ARSB: variants seen among roughly 807,000 people sequenced by gnomAD.
ARSB encodes arylsulfatase B.
Under a neutral mutation model 50.9 loss-of-function variants are expected in ARSB, and 41 were observed. The ratio of observed to expected loss-of-function variants is 0.81; its 90% CI spans 0.63 to 1.04. ARSB has a LOEUF of 1.04. ARSB is among the 50% of genes least tolerant of loss of function. The pLI is 0.00. For missense variants in ARSB, 672 were observed against 693.3 expected, an observed-to-expected ratio of 0.97 and a Z score of 0.35; for synonymous variants, 269 against 284.8, an observed-to-expected ratio of 0.94 and a Z score of 0.56.
At chr5:78,944,551 C>CA (rs1274863355) in intron 4 of ARSB, among the ~76,000 whole-genome samples, 5 of 152,210 alleles carry the variant, frequency 3.3e-5, no homozygotes, top group South Asian at 2.1e-4. Flanking sequence ...CACTCCAGAC[C>CA]CTGTTTGCCT....
At chr5:78,853,782 C>T (rs1272035624) in intron 5 of ARSB, among the ~76,000 whole-genome samples, 1 of 152,248 alleles carries the variant, frequency 6.6e-6, no homozygotes, top group Admixed American at 6.5e-5. Context: ...CCTCCCCCAG[C>T]CTCGCTGCCG....
intron 6 of ARSB, among the ~76,000 whole-genome samples, chr5:78,820,019 G>A (rs767003810): frequency 6.6e-6 from 1 of 152,232 alleles, no homozygotes; most frequent in Non-Finnish European, 1.5e-5. Flanking sequence ...CCACCCTCAT[G>A]GATAGGATTA....
rs77055781 is a variant in ARSB at position 78,932,286 on chromosome 5, G to T, written c.898+23009C>A. 8.5e-3 allele frequency among the ~76,000 whole-genome samples: 1,299 copies of T among 152,336 alleles called. 22 individuals carry two copies. The highest frequency in any genetic ancestry group is 0.03 in the African/African-American group (1,258 of 41,566). On this transcript the variant is annotated intron_variant, in intron 4 of 7. Transcript: ENST00000264914. Reference sequence around the variant, plus strand: ...CATGTGACTGAGGCAGCCTATAGCTGCCTTCTGACAGTCATCAAGGCAACG... The same window carrying T: ...CATGTGACTGAGGCAGCCTATAGCTTCCTTCTGACAGTCATCAAGGCAACG...
At chr5:78,970,293 A>G (rs1319222034) in intron 1 of ARSB, among the ~76,000 whole-genome samples, 3 of 152,248 alleles carry the variant, frequency 2.0e-5, no homozygotes. Flanking sequence ...GCAAACTTCT[A>G]TTAGTAGAAA....
At chr5:78,786,540 GT>G (rs935622262) in intron 6 of ARSB, among the ~76,000 whole-genome samples, 17 of 152,272 alleles carry the variant, frequency 1.1e-4, no homozygotes, top group African/African-American at 3.6e-4. Flanking sequence ...GAATTGCTGA[GT>G]TATATGGTAA....
At chr5:78,935,739 A>T (rs1750547486) in intron 4 of ARSB, among the ~76,000 whole-genome samples, 1 of 152,212 alleles carries the variant, frequency 6.6e-6, no homozygotes, top group South Asian at 2.1e-4. Flanking sequence ...TCTCATCAGT[A>T]CTATCGGGTA....
chr5:78,797,399 A>ATAAT (rs1743225829), intron 6 of ARSB, among the ~76,000 whole-genome samples: 3 of 152,164 alleles, frequency 2.0e-5, no homozygotes, highest in Non-Finnish European at 4.4e-5. Context: ...TCTAACCCAG[A>ATAAT]CTGTTGTTTT....
chr5:78,811,094 C>T (rs1165208710), intron 6 of ARSB, among the ~76,000 whole-genome samples: 1 of 152,176 alleles, frequency 6.6e-6, no homozygotes, highest in Non-Finnish European at 1.5e-5. Flanking sequence ...AGTACAGAAG[C>T]ATGCGTTTGA....
intron 6 of ARSB, among the ~76,000 whole-genome samples, chr5:78,806,859 T>G (rs900428071): frequency 1.3e-5 from 2 of 152,190 alleles, no homozygotes; most frequent in Non-Finnish European, 2.9e-5. Context: ...GACGGTTACC[T>G]CAAATGGGCA....
intron 4 of ARSB, among the ~76,000 whole-genome samples, chr5:78,916,626 G>A (rs1399279136): frequency 6.6e-6 from 1 of 152,126 alleles, no homozygotes; most frequent in Non-Finnish European, 1.5e-5. Context: ...TTACATTAAT[G>A]CCAAGTTTTC....
At chr5:78,874,942 C>G (rs569613853) in intron 5 of ARSB, among the ~76,000 whole-genome samples, 2 of 152,076 alleles carry the variant, frequency 1.3e-5, no homozygotes, top group Non-Finnish European at 1.5e-5. Flanking sequence ...GACCCTGCCT[C>G]TACAAAATAA....
At chr5:78,874,275 T>C (rs1432356691) in intron 5 of ARSB, among the ~76,000 whole-genome samples, 1 of 152,198 alleles carries the variant, frequency 6.6e-6, no homozygotes, top group Non-Finnish European at 1.5e-5. Context: ...GTGGTCAGTA[T>C]TGAATATATT....
At chr5:78,895,036 C>A (rs545862371) in intron 4 of ARSB, among the ~76,000 whole-genome samples, 1 of 152,298 alleles carries the variant, frequency 6.6e-6, no homozygotes, top group East Asian at 1.9e-4. Flanking sequence ...AAAACCAAAC[C>A]AACCAACCAA....
intron 4 of ARSB, among the ~76,000 whole-genome samples, chr5:78,901,113 C>T (rs149592678): frequency 2.8e-4 from 43 of 152,062 alleles, no homozygotes; most frequent in African/African-American, 9.6e-4. Context: ...TACCCGACCT[C>T]CTCTTCTGCC....
intron 6 of ARSB, among the ~76,000 whole-genome samples, chr5:78,790,424 C>T (rs1297984786): frequency 2.0e-5 from 3 of 152,088 alleles, no homozygotes; most frequent in Admixed American, 6.5e-5. Flanking sequence ...TATTACCACC[C>T]GTGCAATCTC....
At position 78,781,888 on chromosome 5, in the gene ARSB, T is replaced by TA. The variant is rs1355071930; in HGVS notation, c.1299dup (p.Arg434Ter). On this transcript the variant is annotated frameshift_variant, in exon 7 of 8. Transcript: ENST00000264914. LOFTEE classifies it high-confidence loss of function. ...GTGAGGAGTTTCCAATTTCCATGTCTAATTGCAGCATGGACAGATGTGTTA... is the reference window on the plus strand; with the variant it reads ...GTGAGGAGTTTCCAATTTCCATGTCTAAATTGCAGCATGGACAGATGTGTTA... 4 of 1,613,978 alleles carry TA rather than the reference T, an allele frequency of 2.5e-6. No individual in the cohort carries two copies. In the African/African-American group the frequency reaches 5.3e-5, roughly 22 times the overall value.
intron 3 of ARSB, among the ~76,000 whole-genome samples, chr5:78,957,991 G>A (rs920180111): frequency 6.6e-6 from 1 of 151,334 alleles, no homozygotes; most frequent in African/African-American, 2.4e-5. Context: ...ATATCACATC[G>A]ATCTGTTTTT....
At chr5:78,913,660 G>A (rs1749411979) in intron 4 of ARSB, among the ~76,000 whole-genome samples, 1 of 152,136 alleles carries the variant, frequency 6.6e-6, no homozygotes, top group Admixed American at 6.5e-5. Flanking sequence ...ACATATTTGT[G>A]TTTGGAGCTG....
intron 1 of ARSB, among the ~76,000 whole-genome samples, chr5:78,978,005 C>T (rs1752738828): frequency 6.6e-6 from 1 of 152,150 alleles, no homozygotes; most frequent in African/African-American, 2.4e-5. Flanking sequence ...ACAATGCTTA[C>T]ACACTAAAAA....
Sources: allele counts gnomAD v4.1 joint callset (sites outside exome capture counted in the v4.1 genomes callset), GRCh38; gene constraint gnomAD v4.1.1; transcripts MANE v1.5; gene names NCBI Gene and HGNC (gene_info 2026-07-23, HGNC 2026-07-21).